The following CLASP2 variants were observed in gnomAD, a reference collection of about 807,000 sequenced individuals.
CLASP2 encodes CLIP-associating protein 2.
In CLASP2, 47 loss-of-function variants were observed where a neutral mutation model predicts 194.4. The ratio of observed to expected loss-of-function variants is 0.24; its 90% confidence interval spans 0.19 to 0.31. CLASP2 has a LOEUF of 0.31. Ranked by LOEUF, CLASP2 falls within the 10% of genes least tolerant of loss-of-function variation. The pLI is 1.00. For missense variants in CLASP2, 1,445 were observed against 1,823.6 expected (o/e 0.79, Z 3.78); for synonymous variants, 619 against 633.5 (o/e 0.98, Z 0.34).
At chr3:33,595,028 T>TAC in intron 19 of CLASP2, 60 bp from the exon 20 acceptor site, 1 of 1,050,202 alleles carries the variant, frequency 9.5e-7, no homozygotes, top group Non-Finnish European at 1.3e-6. Context: ...TATTAAGACC[T>TAC]ACCTCACAGT....
chr3:33,588,812 A>T (rs780520347), intron 21 of CLASP2: 112 of 689,604 alleles, frequency 1.6e-4, no homozygotes, highest in Non-Finnish European at 2.7e-4. Context: ...TGGATGGCAG[A>T]TGGAAATAAG....
intron 1 of CLASP2, among the ~76,000 whole-genome samples, chr3:33,711,565 T>C (rs2093011880): frequency 6.6e-6 from 1 of 151,560 alleles, no homozygotes; most frequent in Non-Finnish European, 1.5e-5. Context: ...CAGCGCAGTA[T>C]AGCATTTTAT....
chr3:33,585,011 G>A lies in CLASP2; in HGVS notation c.2069-91C>T, dbSNP rs1430009820. The A allele has an allele frequency of 4.4e-6, 5 of 1,139,400 alleles. No homozygotes were observed. In the African/African-American group the frequency reaches 4.7e-5, roughly 11 times the overall value. 70.6% of individuals were successfully genotyped at this position (1,139,400 alleles called of 1,614,324 possible). On this transcript the variant is annotated intron_variant, in intron 21 of 38. Coordinates refer to ENST00000682230, the MANE Select transcript of CLASP2 (RefSeq NM_001365631.1). ...AAATTCAAGAAATATTGATAATACA[G>A]AGAAAACTGTGACAGTATGGCAGGT...
chr3:33,554,900 C>A (rs961417236), intron 29 of CLASP2: 2 of 152,334 alleles, frequency 1.3e-5, no homozygotes, highest in Non-Finnish European at 2.9e-5. Flanking sequence ...GTTGAATGAC[C>A]TAGAAGTTTG....
At chr3:33,515,869 T>C (rs192566101) in intron 36 of CLASP2, among the ~76,000 whole-genome samples, 154 bp downstream of exon 36, 3 of 152,300 alleles carry the variant, frequency 2.0e-5, no homozygotes, top group South Asian at 2.1e-4. Context: ...ATTCATTTAA[T>C]AGAAAAAAAT....
chr3:33,599,756 AC>A (rs1359163859), intron 18 of CLASP2, among the ~76,000 whole-genome samples: 2 of 152,194 alleles, frequency 1.3e-5, no homozygotes, highest in African/African-American at 4.8e-5. Flanking sequence ...TACATGAGAC[AC>A]AGCGGGTAGG....
intron 12 of CLASP2, among the ~76,000 whole-genome samples, chr3:33,613,053 G>A (rs2075479971): frequency 6.6e-6 from 1 of 152,164 alleles, no homozygotes; most frequent in South Asian, 2.1e-4. Context: ...CTAGCATGAA[G>A]ATAAATATTT....
intron 6 of CLASP2, among the ~76,000 whole-genome samples, chr3:33,671,619 C>T (rs544892057): frequency 3.3e-5 from 5 of 152,208 alleles, no homozygotes; most frequent in African/African-American, 4.8e-5. Context: ...GCACCGTGCA[C>T]GAGCCAAAGC....
In CLASP2 at chr3:33,516,097, G is replaced by A. The variant is rs1463788477; in HGVS notation, c.4036C>T (p.Pro1346Ser). The change falls in exon 36 of 39, where the codon CCA (proline) becomes TCA (serine). Residue 1346 changes from proline (P) to serine (S), a missense_variant. This residue lies in a region of CLASP2 where 732 missense variants were observed against 987.9 expected (regional missense o/e 0.74). Transcript: ENST00000682230. ...TCTGCATAGTTTTTAAATCTTGCTG[G>A]TTGATGCCTTAGGATTTCTCTTAAA... ...KVLREILRHQ[P>S]ARFKNYAELT... is the part of the protein sequence containing the mutation. The A allele has an allele frequency of 1.2e-6, 2 of 1,609,844 alleles. No individual in the cohort carries two copies. Among genetic ancestry groups the A allele is most frequent in the African/African-American group, 1.3e-5 (1 of 74,840 alleles).
intron 29 of CLASP2, among the ~76,000 whole-genome samples, chr3:33,552,190 C>G (rs1437275297): frequency 6.7e-6 from 1 of 149,722 alleles, no homozygotes; most frequent in Non-Finnish European, 1.5e-5. Flanking sequence ...GCGATCTCGG[C>G]TCACTGAAAC....
intron 34 of CLASP2, among the ~76,000 whole-genome samples, chr3:33,525,261 G>A (rs2054207892): frequency 6.6e-6 from 1 of 152,122 alleles, no homozygotes; most frequent in Admixed American, 6.5e-5. Flanking sequence ...TGAAAACAGT[G>A]CTAAGGGGGA....
chr3:33,630,839 A>C (rs544655383), intron 9 of CLASP2, among the ~76,000 whole-genome samples: 2 of 152,316 alleles, frequency 1.3e-5, no homozygotes, highest in East Asian at 3.9e-4. Flanking sequence ...TCAAACAATA[A>C]AAATATTCAA....
intron 8 of CLASP2, among the ~76,000 whole-genome samples, chr3:33,639,724 T>C (rs1400605317): frequency 2.6e-5 from 4 of 152,206 alleles, no homozygotes; most frequent in Middle Eastern, 3.2e-3. Context: ...CAGGGATGGA[T>C]AGTCAATGAT....
intron 11 of CLASP2, among the ~76,000 whole-genome samples, chr3:33,620,997 TTGTGTGTGTG>T (rs60682503): frequency 0.065 from 9,267 of 142,602 alleles, 316 homozygotes; most frequent in Admixed American, 0.092. Flanking sequence ...CTGTAGCTCT[TTGTGTGTGTG>T]TGTGTGTGTG....
intron 6 of CLASP2, among the ~76,000 whole-genome samples, chr3:33,673,201 G>C (rs2087732551): frequency 6.6e-6 from 1 of 152,150 alleles, no homozygotes; most frequent in Admixed American, 6.5e-5. Flanking sequence ...AGAAAGGTCG[G>C]GTTACCCACT....
intron 27 of CLASP2, among the ~76,000 whole-genome samples, chr3:33,564,850 A>G (rs1453064426): frequency 6.6e-6 from 1 of 152,162 alleles, no homozygotes; most frequent in African/African-American, 2.4e-5. Context: ...TCATTCTCCC[A>G]AAGTGCTAGG....
chr3:33,706,360 T>C (rs2092685138), intron 1 of CLASP2, among the ~76,000 whole-genome samples: 1 of 152,222 alleles, frequency 6.6e-6, no homozygotes, highest in Non-Finnish European at 1.5e-5. Context: ...AGATATCTTC[T>C]TTTAGCAACA....
At chr3:33,644,498 A>C in intron 8 of CLASP2, 1 of 455,820 alleles carries the variant, frequency 2.2e-6, no homozygotes, top group Non-Finnish European at 3.9e-6. Flanking sequence ...AACTTCCATA[A>C]ATCTTTTTCA....
At chr3:33,616,734 CTTT>C (rs958911625) in intron 12 of CLASP2, among the ~76,000 whole-genome samples, 2 of 95,356 alleles carry the variant, frequency 2.1e-5, no homozygotes, top group African/African-American at 4.2e-5. Context: ...ACTATACTTC[CTTT>C]TTTTTTTTTT....
Sources: gnomAD v4.1 joint callset for allele counts (sites outside exome capture counted in the v4.1 genomes callset) on GRCh38, gnomAD v4.1.1 for gene constraint, gnomAD v4.1.1 regional missense constraint, MANE v1.5 for transcripts, NCBI Gene and HGNC (gene_info 2026-07-23, HGNC 2026-07-21) for gene names.